Variants in GABBR2 observed in about 807,000 individuals in gnomAD.
GABBR2 encodes the protein G-protein coupled receptor 51.
In GABBR2, 23 loss-of-function variants were observed where a neutral mutation model predicts 105.6. The observed-to-expected ratio is 0.22, with a 90% CI of 0.16 to 0.31. The LOEUF is 0.31. Among genes scored for constraint, GABBR2 ranks in the 10% least tolerant of loss-of-function variants. The pLI is 1.00. For missense variants in GABBR2, 734 were observed against 1,245.5 expected, an observed-to-expected ratio of 0.59 and a Z score of 6.18; for synonymous variants, 478 against 499.7, an observed-to-expected ratio of 0.96 and a Z score of 0.58.
intron 2 of GABBR2, among the ~76,000 whole-genome samples, chr9:98,575,090 C>T (rs373887513): frequency 0.058 from 8,314 of 144,324 alleles, 261 homozygotes; most frequent in Middle Eastern, 0.096. Flanking sequence ...CACCACCACC[C>T]CCCCCCAAAT....
At chr9:98,605,589 C>A (rs1829403806) in intron 1 of GABBR2, among the ~76,000 whole-genome samples, 1 of 152,146 alleles carries the variant, frequency 6.6e-6, no homozygotes, top group Admixed American at 6.5e-5. Flanking sequence ...ACTGCTGCTG[C>A]CATTTGGGGC....
At chr9:98,435,169 G>A (rs1319962244) in intron 7 of GABBR2, among the ~76,000 whole-genome samples, 1 of 152,158 alleles carries the variant, frequency 6.6e-6, no homozygotes, top group Non-Finnish European at 1.5e-5. Flanking sequence ...GTTTTCCTGT[G>A]GGATCAGGCC....
chr9:98,552,703 T>TG, intron 2 of GABBR2, among the ~76,000 whole-genome samples: 1 of 152,320 alleles, frequency 6.6e-6, no homozygotes, highest in Non-Finnish European at 1.5e-5. Context: ...AAAGGCCTTC[T>TG]GGGGTATCGT....
At chr9:98,667,342 G>C (rs1436149087) in intron 1 of GABBR2, among the ~76,000 whole-genome samples, 3 of 152,162 alleles carry the variant, frequency 2.0e-5, no homozygotes, top group Non-Finnish European at 4.4e-5. Context: ...AGCAGCAGGA[G>C]CACTGGGTGG....
intron 7 of GABBR2, among the ~76,000 whole-genome samples, chr9:98,421,916 C>A (rs58531072): frequency 6.6e-6 from 1 of 152,110 alleles, no homozygotes; most frequent in Non-Finnish European, 1.5e-5. Flanking sequence ...AACCCAGAGG[C>A]AGAACTTCTC....
chr9:98,357,242 G>A (rs1349246421), intron 13 of GABBR2, among the ~76,000 whole-genome samples: 2 of 152,164 alleles, frequency 1.3e-5, no homozygotes, highest in African/African-American at 4.8e-5. Flanking sequence ...AAATTGTGGG[G>A]GTGGGTGGAG....
At chr9:98,520,533 C>T (rs1379767342) in intron 3 of GABBR2, among the ~76,000 whole-genome samples, 1 of 152,174 alleles carries the variant, frequency 6.6e-6, no homozygotes, top group East Asian at 1.9e-4. Flanking sequence ...GGCAGCCAAG[C>T]AGTGATGGAG....
At chr9:98,344,337 T>A (rs542519850) in intron 13 of GABBR2, among the ~76,000 whole-genome samples, 1 of 152,310 alleles carries the variant, frequency 6.6e-6, no homozygotes, top group Admixed American at 6.5e-5. Context: ...TTTTCCTTTT[T>A]TCCAAGAATA....
At chr9:98,327,824 G>A (rs1588104450) in intron 13 of GABBR2, among the ~76,000 whole-genome samples, 1 of 151,474 alleles carries the variant, frequency 6.6e-6, no homozygotes, top group African/African-American at 2.4e-5. Flanking sequence ...AGTCAAGATT[G>A]CGCCACTGCA....
intron 3 of GABBR2, among the ~76,000 whole-genome samples, chr9:98,497,748 G>A (rs1827312959): frequency 6.6e-6 from 1 of 152,224 alleles, no homozygotes; most frequent in African/African-American, 2.4e-5. Flanking sequence ...TGGTGAAGAT[G>A]TGGAGAAACT....
intron 2 of GABBR2, among the ~76,000 whole-genome samples, chr9:98,543,052 C>T (rs1353748616): frequency 6.6e-6 from 1 of 152,090 alleles, no homozygotes; most frequent in South Asian, 2.1e-4. Context: ...TTTTAATTTA[C>T]ACTCGATAGT....
intron 8 of GABBR2, among the ~76,000 whole-genome samples, chr9:98,399,283 C>T (rs1051946169): frequency 2.7e-5 from 4 of 147,732 alleles, no homozygotes; most frequent in Admixed American, 6.9e-5. Flanking sequence ...GAACCTGGGA[C>T]GGATGTTGCA....
Position 98,454,050 on chromosome 9 carries a change from G to A in GABBR2, c.1167C>T (p.Asn389=), listed in dbSNP as rs2131603472. 2 of 1,614,208 alleles carry A rather than the reference G, an allele frequency of 1.2e-6. No homozygotes were observed. The highest frequency in any genetic ancestry group is 1.7e-6 in the Non-Finnish European group (2 of 1,180,028). Residue 389 remains asparagine, a synonymous_variant, in exon 7 of 19, where the codon AAC becomes AAT. Transcript: ENST00000259455. This position sits in a 1 kb window ranked among gnomAD's most constrained non-coding sequence, Gnocchi z 4.6. ...SSRHQRIQDF[N]YTDHTLGRII... is the part of the protein sequence containing the mutation. ...TCCTGCCCAGCGTGTGGTCCGTGTA[G>A]TTGAAGTCCTGGATCCGCTGGTGCC...
chr9:98,477,508 G>T (rs1306532824), intron 5 of GABBR2, among the ~76,000 whole-genome samples: 1 of 152,186 alleles, frequency 6.6e-6, no homozygotes, highest in Non-Finnish European at 1.5e-5. Flanking sequence ...AAAGTGTTGG[G>T]ATCACAGGCA....
chr9:98,405,425 T>C (rs1411271510), intron 8 of GABBR2, among the ~76,000 whole-genome samples: 1 of 152,156 alleles, frequency 6.6e-6, no homozygotes, highest in Non-Finnish European at 1.5e-5. Flanking sequence ...ACTGAGACCC[T>C]TTCTCTACAA....
At chr9:98,667,607 C>A (rs188507825) in intron 1 of GABBR2, among the ~76,000 whole-genome samples, 2 of 152,166 alleles carry the variant, frequency 1.3e-5, no homozygotes, top group African/African-American at 4.8e-5. Context: ...GGGCTCCCTG[C>A]GGCATCAGCT....
chr9:98,487,538 G>A (rs1490475936), intron 4 of GABBR2, among the ~76,000 whole-genome samples: 3 of 152,096 alleles, frequency 2.0e-5, no homozygotes, highest in Non-Finnish European at 2.9e-5. Flanking sequence ...ACATTAGGAG[G>A]CCAAGGCAGG....
At chr9:98,391,829 C>T (rs1196338936) in intron 9 of GABBR2, among the ~76,000 whole-genome samples, 5 of 152,024 alleles carry the variant, frequency 3.3e-5, no homozygotes, top group South Asian at 2.1e-4. Flanking sequence ...TGGGGACGTG[C>T]GGGGCTCTGA....
chr9:98,413,049 G>A (rs1366767988), intron 7 of GABBR2, among the ~76,000 whole-genome samples: 2 of 152,186 alleles, frequency 1.3e-5, no homozygotes, highest in Non-Finnish European at 2.9e-5. Flanking sequence ...ACATGTGAAT[G>A]CCTTTTCCCC....
Sources: allele counts gnomAD v4.1 joint callset (sites outside exome capture counted in the v4.1 genomes callset), GRCh38; gene constraint gnomAD v4.1.1; non-coding constraint Gnocchi (gnomAD v3.1); transcripts MANE v1.5; gene names NCBI Gene and HGNC (gene_info 2026-07-23, HGNC 2026-07-21).